The following GRIK3 variants were observed in gnomAD, a reference collection of about 807,000 sequenced individuals.
GRIK3 encodes the protein glutamate receptor ionotropic, kainate 3.
In GRIK3, 29 loss-of-function variants were observed where a neutral mutation model predicts 102.5. The ratio of observed to expected loss-of-function variants is 0.28; its 90% CI spans 0.21 to 0.39. GRIK3 has a LOEUF of 0.39. Among genes scored for constraint, GRIK3 ranks in the 10% least tolerant of loss-of-function variants. The probability of loss-of-function intolerance (pLI) is 1.00; values close to 1 mark genes in which losing one functional copy is unlikely to be tolerated. For synonymous variants in GRIK3, 511 were observed against 504.9 expected (o/e 1.01, Z -0.16); for missense variants, 908 against 1,252.4 (o/e 0.73, Z 4.15).
At chr1:36,982,842 G>C (rs978365875) in intron 1 of GRIK3, among the ~76,000 whole-genome samples, 1 of 151,996 alleles carries the variant, frequency 6.6e-6, no homozygotes, top group African/African-American at 2.4e-5. Flanking sequence ...GAGGGGGAGC[G>C]CCTGCCAGGC....
intron 1 of GRIK3, among the ~76,000 whole-genome samples, chr1:36,953,713 G>A (rs936291466): frequency 3.9e-5 from 6 of 152,008 alleles, no homozygotes; most frequent in African/African-American, 7.2e-5. Context: ...AGTGGCACCC[G>A]AAGGTGCCAG....
At chr1:36,846,561 C>T (rs541924298) in intron 9 of GRIK3, among the ~76,000 whole-genome samples, 40 of 152,294 alleles carry the variant, frequency 2.6e-4, no homozygotes, top group African/African-American at 9.4e-4. Context: ...ACTCAAAGCA[C>T]TGTTGCCCTG....
intron 1 of GRIK3, among the ~76,000 whole-genome samples, chr1:37,028,588 G>C (rs369561593): frequency 6.6e-6 from 1 of 152,194 alleles, no homozygotes; most frequent in Non-Finnish European, 1.5e-5. Context: ...CATCCTCCCA[G>C]AGGAGGACCA....
intron 2 of GRIK3, among the ~76,000 whole-genome samples, chr1:36,886,467 A>G (rs965390110): frequency 1.3e-5 from 2 of 152,220 alleles, no homozygotes; most frequent in Admixed American, 6.5e-5. Flanking sequence ...AAGAAAAAAT[A>G]AAGATCATGG....
intron 1 of GRIK3, 134 bp from the exon 2 acceptor site, chr1:36,891,230 T>C: frequency 3.2e-6 from 2 of 629,668 alleles, no homozygotes; most frequent in Non-Finnish European, 5.5e-6. Flanking sequence ...GTAACTGCCA[T>C]ACCTAGAAAG....
Position 36,872,994 on chromosome 1 carries a change from C to A in GRIK3, c.551-625G>T, listed in dbSNP as rs932545895. Among the ~76,000 whole-genome samples the A allele has an allele frequency of 6.6e-6, 1 of 152,210 alleles. No individual in the cohort carries two copies. Among genetic ancestry groups the A allele is most frequent in the Non-Finnish European group, 1.5e-5 (1 of 68,036 alleles). ...ACTAAGGGCAGTCTGCCTTGGTAAA[C>A]CTTACCCACTTTTTCAGGTTTAGTG... On this transcript the variant is annotated intron_variant, in intron 3 of 15. Coordinates refer to ENST00000373091, the MANE Select transcript of GRIK3 (RefSeq NM_000831.4). This position sits in a 1 kb window ranked among gnomAD's most constrained non-coding sequence, Gnocchi z 5.9.
intron 9 of GRIK3, among the ~76,000 whole-genome samples, chr1:36,847,146 C>T (rs1640529158): frequency 6.6e-6 from 1 of 152,236 alleles, no homozygotes; most frequent in African/African-American, 2.4e-5. Flanking sequence ...TGGCCCCATC[C>T]ATAGGCGGTG....
At chr1:36,921,901 G>A (rs1387032053) in intron 1 of GRIK3, among the ~76,000 whole-genome samples, 1 of 152,156 alleles carries the variant, frequency 6.6e-6, no homozygotes, top group Non-Finnish European at 1.5e-5. Flanking sequence ...CTGGGGTCCA[G>A]TGGCTCCTTC....
chr1:36,954,576 C>T (rs1205480995), intron 1 of GRIK3, among the ~76,000 whole-genome samples: 1 of 152,158 alleles, frequency 6.6e-6, no homozygotes, highest in East Asian at 1.9e-4. Flanking sequence ...GGGACGGGGG[C>T]TGAGGCCAGC....
intron 1 of GRIK3, among the ~76,000 whole-genome samples, chr1:36,991,513 T>C (rs1400822824): frequency 2.0e-5 from 3 of 152,188 alleles, no homozygotes; most frequent in East Asian, 1.9e-4. Flanking sequence ...GGCTGCTGGA[T>C]AAGCTTCCTG....
chr1:36,982,355 C>T (rs957254158), intron 1 of GRIK3, among the ~76,000 whole-genome samples: 1 of 152,174 alleles, frequency 6.6e-6, no homozygotes, highest in Non-Finnish European at 1.5e-5. Context: ...AGGAGGCGGC[C>T]CTGCTTGGCG....
At position 36,805,116 on chromosome 1, in the gene GRIK3, C is replaced by T. The variant is rs529456341; in HGVS notation, c.2436G>A (p.Glu812=). The change falls in exon 15 of 16, where the codon GAG becomes GAA. Residue 812 remains glutamate, a synonymous_variant. Coordinates refer to ENST00000373091, the MANE Select transcript of GRIK3 (RefSeq NM_000831.4). ...TCTTCTGGATCCCCAGGGCACTGGC[C>T]TCTTTGTTTTCCTCCTCAGGACACC... ...GSGCPEEENK[E]ASALGIQKIG... 6.2e-6 allele frequency: 10 copies of T among 1,614,208 alleles called. No individual in the cohort carries two copies. In the South Asian group the frequency reaches 1.1e-4, roughly 18 times the overall value.
chr1:36,826,916 C>T (rs1272413341), intron 10 of GRIK3, among the ~76,000 whole-genome samples: 3 of 152,206 alleles, frequency 2.0e-5, no homozygotes, highest in Non-Finnish European at 4.4e-5. Flanking sequence ...CAGGACCCCA[C>T]TGGCATCCTC....
chr1:36,835,215 C>T (rs1640360414), intron 10 of GRIK3, among the ~76,000 whole-genome samples: 1 of 152,214 alleles, frequency 6.6e-6, no homozygotes, highest in Non-Finnish European at 1.5e-5. Flanking sequence ...TCTGGCCAAC[C>T]TCATGCAGGT....
chr1:36,939,411 G>A (rs371194390), intron 1 of GRIK3, among the ~76,000 whole-genome samples: 8 of 152,246 alleles, frequency 5.3e-5, no homozygotes, highest in East Asian at 1.9e-4. Flanking sequence ...GGAGAGCTAC[G>A]TTGACACAAG....
At chr1:36,986,390 TC>T (rs1642305145) in intron 1 of GRIK3, among the ~76,000 whole-genome samples, 1 of 150,500 alleles carries the variant, frequency 6.6e-6, no homozygotes, top group Non-Finnish European at 1.5e-5. Flanking sequence ...CATCCATCCA[TC>T]CATCCATCCT....
chr1:36,994,011 C>T (rs566988576), intron 1 of GRIK3, among the ~76,000 whole-genome samples: 1 of 152,296 alleles, frequency 6.6e-6, no homozygotes, highest in East Asian at 1.9e-4. Flanking sequence ...GCCAGAAGCC[C>T]ACCACAACCA....
intron 1 of GRIK3, among the ~76,000 whole-genome samples, chr1:36,972,205 A>G (rs901386056): frequency 6.6e-6 from 1 of 152,222 alleles, no homozygotes; most frequent in Non-Finnish European, 1.5e-5. Context: ...GAGAATCCAC[A>G]GGGCCTGGGA....
At chr1:36,968,817 G>T (rs1483513017) in intron 1 of GRIK3, among the ~76,000 whole-genome samples, 2 of 152,244 alleles carry the variant, frequency 1.3e-5, no homozygotes, top group Admixed American at 6.5e-5. Flanking sequence ...AGATGTGCCT[G>T]TCGGGACAGC....
Sources: gnomAD v4.1 joint callset for allele counts (sites outside exome capture counted in the v4.1 genomes callset) on GRCh38, gnomAD v4.1.1 for gene constraint, Gnocchi (gnomAD v3.1) non-coding constraint, MANE v1.5 for transcripts, NCBI Gene and HGNC (gene_info 2026-07-23, HGNC 2026-07-21) for gene names.